Variants in NRG2 observed in about 807,000 individuals in gnomAD.
NRG2 encodes pro-neuregulin-2, membrane-bound isoform.
Under a neutral mutation model 73.9 loss-of-function variants are expected in NRG2, and 27 were observed. That is an observed-to-expected ratio of 0.37 (90% CI 0.27 to 0.50). The LOEUF is 0.50. Ranked by LOEUF, NRG2 falls within the 20% of genes least tolerant of loss-of-function variation. The pLI, the probability that NRG2 is intolerant of heterozygous loss-of-function variation, is 0.96. For synonymous variants in NRG2, 532 were observed against 541.0 expected, an observed-to-expected ratio of 0.98 and a Z score of 0.23; for missense variants, 1,126 against 1,210.1, an observed-to-expected ratio of 0.93 and a Z score of 1.03.
At chr5:140,021,185 A>G (rs1474722565) in intron 1 of NRG2, among the ~76,000 whole-genome samples, 1 of 152,212 alleles carries the variant, frequency 6.6e-6, no homozygotes, top group African/African-American at 2.4e-5. Context: ...AAAAGCAAAT[A>G]TCATTAGCTC....
At chr5:139,977,749 T>C (rs1391418894) in intron 1 of NRG2, among the ~76,000 whole-genome samples, 2 of 152,110 alleles carry the variant, frequency 1.3e-5, no homozygotes, top group African/African-American at 4.8e-5. Flanking sequence ...AACAGAGATA[T>C]AGACCAACGG....
At chr5:139,913,701 A>T (rs1561676104) in intron 1 of NRG2, among the ~76,000 whole-genome samples, 1 of 152,388 alleles carries the variant, frequency 6.6e-6, no homozygotes, top group East Asian at 1.9e-4. Context: ...ATTGCAGTAT[A>T]CAAAGACCCT....
intron 1 of NRG2, among the ~76,000 whole-genome samples, chr5:139,938,815 T>G (rs2126409839): frequency 7.8e-6 from 1 of 128,694 alleles, no homozygotes; most frequent in Admixed American, 8.4e-5. Context: ...TAACAAACAG[T>G]GCTGAAACAA....
chr5:139,911,955 C>T (rs1402879166), intron 1 of NRG2, among the ~76,000 whole-genome samples: 2 of 152,190 alleles, frequency 1.3e-5, no homozygotes, highest in East Asian at 1.9e-4. Flanking sequence ...TAGCTACTAT[C>T]TATACCACCC....
At chr5:140,033,195 AC>A (rs1761275830) in intron 1 of NRG2, among the ~76,000 whole-genome samples, 1 of 152,232 alleles carries the variant, frequency 6.6e-6, no homozygotes, top group Non-Finnish European at 1.5e-5. Context: ...TTCAGTGTGA[AC>A]CCACTCCCAA....
intron 3 of NRG2, among the ~76,000 whole-genome samples, chr5:139,878,881 T>C (rs1763353635): frequency 1.3e-5 from 2 of 152,108 alleles, no homozygotes; most frequent in Non-Finnish European, 2.9e-5. Context: ...AGTAAAGACC[T>C]TGGAGCAGGT....
chr5:139,881,795 G>A (rs1435710685), intron 2 of NRG2, among the ~76,000 whole-genome samples: 1 of 152,232 alleles, frequency 6.6e-6, no homozygotes, highest in Admixed American at 6.5e-5. Flanking sequence ...TAGCCCTGAA[G>A]CTTTGCACCT....
At chr5:139,949,836 TG>T (rs1337794952) in intron 1 of NRG2, among the ~76,000 whole-genome samples, 1 of 152,184 alleles carries the variant, frequency 6.6e-6, no homozygotes, top group Non-Finnish European at 1.5e-5. Context: ...CTGCTCACCT[TG>T]GTTTTGGAGC....
chr5:139,939,335 C>A (rs1366327759), intron 1 of NRG2, among the ~76,000 whole-genome samples: 1 of 151,348 alleles, frequency 6.6e-6, no homozygotes, highest in East Asian at 2.0e-4. Flanking sequence ...GAGGGTAGTG[C>A]ATGATCTCAG....
At chr5:139,990,083 T>C (rs969343179) in intron 1 of NRG2, among the ~76,000 whole-genome samples, 9 of 151,568 alleles carry the variant, frequency 5.9e-5, no homozygotes, top group Non-Finnish European at 1.2e-4. Flanking sequence ...CCACTGTGCC[T>C]GGCCTTATTA....
chr5:139,890,952 C>T (rs1764176516), intron 1 of NRG2, among the ~76,000 whole-genome samples: 1 of 152,190 alleles, frequency 6.6e-6, no homozygotes, highest in South Asian at 2.1e-4. Context: ...AAGTGATGAC[C>T]TCCAACTAGT....
At chr5:139,983,379 G>C (rs906689935) in intron 1 of NRG2, among the ~76,000 whole-genome samples, 4 of 152,234 alleles carry the variant, frequency 2.6e-5, no homozygotes, top group African/African-American at 9.6e-5. Context: ...TCAGGACACA[G>C]CTGGCCCAAG....
At chr5:139,873,392 G>T (rs1762981502) in intron 3 of NRG2, among the ~76,000 whole-genome samples, 1 of 152,232 alleles carries the variant, frequency 6.6e-6, no homozygotes, top group South Asian at 2.1e-4. Flanking sequence ...AAGAGAAGCA[G>T]CTGAGGTACC....
intron 9 of NRG2, 68 bp from the exon 10 acceptor site, chr5:139,848,765 G>GTT: frequency 3.1e-6 from 2 of 652,268 alleles, no homozygotes; most frequent in Non-Finnish European, 4.4e-6. Flanking sequence ...GGGGTTGGGG[G>GTT]TGGGGTAGGG....
chr5:139,952,871 T>A (rs1225810018), intron 1 of NRG2, among the ~76,000 whole-genome samples: 1 of 152,132 alleles, frequency 6.6e-6, no homozygotes, highest in Non-Finnish European at 1.5e-5. Flanking sequence ...AGGCAACATC[T>A]GGCCAGCTGT....
At chr5:139,967,945 C>A (rs541160552) in intron 1 of NRG2, among the ~76,000 whole-genome samples, 1 of 149,634 alleles carries the variant, frequency 6.7e-6, no homozygotes, top group African/African-American at 2.5e-5. Flanking sequence ...GGCAACAGAG[C>A]TAGACTCTGT....
intron 1 of NRG2, among the ~76,000 whole-genome samples, chr5:139,888,064 C>T (rs1484615398): frequency 6.6e-6 from 1 of 152,126 alleles, no homozygotes; most frequent in Admixed American, 6.5e-5. Flanking sequence ...CCCAGTCTCC[C>T]ATGCTTCACT....
intron 1 of NRG2, among the ~76,000 whole-genome samples, chr5:139,958,480 TTGAGC>T: frequency 6.6e-6 from 1 of 152,254 alleles, no homozygotes; most frequent in East Asian, 1.9e-4. Flanking sequence ...TGGGAGTTAT[TTGAGC>T]TGAAAAGGAA....
chr5:140,002,615 G>A (rs546536437), intron 1 of NRG2, among the ~76,000 whole-genome samples: 6 of 152,306 alleles, frequency 3.9e-5, no homozygotes, highest in South Asian at 2.1e-4. Context: ...CGTAGGAGCC[G>A]GAGTCAGAGA....
Sources: gnomAD v4.1 joint callset for allele counts (sites outside exome capture counted in the v4.1 genomes callset) on GRCh38, gnomAD v4.1.1 for gene constraint, MANE v1.5 for transcripts, NCBI Gene and HGNC (gene_info 2026-07-23, HGNC 2026-07-21) for gene names.